Variants in SLC24A2 observed in about 807,000 individuals in gnomAD.
The protein encoded by SLC24A2 is solute carrier family 24 member 2.
Under a neutral mutation model 62.0 loss-of-function variants are expected in SLC24A2, and 36 were observed. That is an observed-to-expected ratio of 0.58 (90% confidence interval 0.44 to 0.77). The LOEUF (loss-of-function observed/expected upper bound fraction) is 0.77. Ranked by LOEUF, SLC24A2 falls within the 30% of genes least tolerant of loss-of-function variation. The probability of loss-of-function intolerance (pLI) is 0.00; values close to 1 mark genes in which losing one functional copy is unlikely to be tolerated. For synonymous variants in SLC24A2, 358 were observed against 294.0 expected (o/e 1.22, Z -2.23); for missense variants, 846 against 817.9 (o/e 1.03, Z -0.42).
chr9:19,829,725 C>T, the SLC24A2 span, among the ~76,000 whole-genome samples: 520 of 145,790 alleles, frequency 3.6e-3, 2 homozygotes, highest in African/African-American at 0.013. Context: ...TGAGACATTG[C>T]CTCTAAAATA....
intron 2 of SLC24A2, among the ~76,000 whole-genome samples, chr9:19,696,128 CTG>C (rs1055327660): frequency 2.0e-5 from 3 of 152,100 alleles, no homozygotes; most frequent in Non-Finnish European, 4.4e-5. Context: ...CTATTGTGAA[CTG>C]TGCATGTGAG....
At chr9:19,606,895 A>G (rs778182963) in intron 4 of SLC24A2, among the ~76,000 whole-genome samples, 12 of 152,210 alleles carry the variant, frequency 7.9e-5, no homozygotes, top group African/African-American at 1.2e-4. Flanking sequence ...ATGGATCCTG[A>G]CAGCCAGTTG....
At chr9:19,887,241 C>G in the SLC24A2 span, among the ~76,000 whole-genome samples, 2 of 152,132 alleles carry the variant, frequency 1.3e-5, no homozygotes, top group African/African-American at 4.8e-5. Context: ...CCTTTCCCCA[C>G]TTTTTAATGG....
chr9:19,677,745 T>C (rs894410684), intron 2 of SLC24A2, among the ~76,000 whole-genome samples: 2 of 151,280 alleles, frequency 1.3e-5, no homozygotes, highest in Non-Finnish European at 2.9e-5. Context: ...CAAAGTGGTA[T>C]ACATTACACA....
the SLC24A2 span, among the ~76,000 whole-genome samples, chr9:19,887,542 A>C: frequency 0.41 from 61,758 of 151,694 alleles, 13,102 homozygotes; most frequent in East Asian, 0.83. Context: ...ATAAAAAAAT[A>C]AAAAAATAAT....
the SLC24A2 span, among the ~76,000 whole-genome samples, chr9:20,275,648 T>C: frequency 1.3e-5 from 2 of 152,236 alleles, no homozygotes; most frequent in African/African-American, 4.8e-5. Flanking sequence ...TTGATTGAGA[T>C]ATAGCTATAG....
At chr9:20,155,237 A>G in the SLC24A2 span, among the ~76,000 whole-genome samples, 3 of 151,806 alleles carry the variant, frequency 2.0e-5, no homozygotes, top group African/African-American at 7.2e-5. Flanking sequence ...ACAAATTAAA[A>G]TGCATGCCTT....
the SLC24A2 span, among the ~76,000 whole-genome samples, chr9:20,089,323 T>G: frequency 6.6e-6 from 1 of 152,102 alleles, no homozygotes; most frequent in Non-Finnish European, 1.5e-5. Flanking sequence ...AACCTGGGAC[T>G]CCAGCACAAC....
At chr9:19,597,108 AG>A (rs1470418886) in intron 5 of SLC24A2, 120 bp downstream of exon 5, 2 of 726,516 alleles carry the variant, frequency 2.8e-6, no homozygotes, top group African/African-American at 3.5e-5. Flanking sequence ...CAGAAAGAAT[AG>A]TAAGTCACAC....
the SLC24A2 span, among the ~76,000 whole-genome samples, chr9:20,291,715 A>G: frequency 2.6e-5 from 4 of 152,196 alleles, no homozygotes; most frequent in African/African-American, 7.2e-5. Context: ...GGGATATATT[A>G]TAGAGGATCT....
At chr9:19,532,343 G>T (rs1418328020) in intron 8 of SLC24A2, among the ~76,000 whole-genome samples, 2 of 152,074 alleles carry the variant, frequency 1.3e-5, no homozygotes. Flanking sequence ...TGATCCTCCT[G>T]CCTCGGCTTC....
the SLC24A2 span, among the ~76,000 whole-genome samples, chr9:20,267,242 C>T: frequency 6.6e-6 from 1 of 152,176 alleles, no homozygotes; most frequent in Non-Finnish European, 1.5e-5. Flanking sequence ...AAGATATTTA[C>T]ATCATATAGC....
At chr9:19,612,267 C>A (rs1837195976) in intron 4 of SLC24A2, among the ~76,000 whole-genome samples, 1 of 152,204 alleles carries the variant, frequency 6.6e-6, no homozygotes, top group Admixed American at 6.5e-5. Flanking sequence ...TAGCATTTAA[C>A]TGGCACTTAT....
intron 2 of SLC24A2, among the ~76,000 whole-genome samples, chr9:19,644,347 AT>A (rs1371595667): frequency 1.3e-5 from 2 of 152,168 alleles, no homozygotes; most frequent in Admixed American, 1.3e-4. Flanking sequence ...TATGTTTGTA[AT>A]TTTTGAAGGT....
chr9:20,210,530 G>C, the SLC24A2 span, among the ~76,000 whole-genome samples: 1 of 151,606 alleles, frequency 6.6e-6, no homozygotes, highest in Admixed American at 6.6e-5. Context: ...CTGGAGTGTA[G>C]TGGCGCGATC....
At chr9:20,198,651 A>ATCTC in the SLC24A2 span, among the ~76,000 whole-genome samples, 343 of 148,110 alleles carry the variant, frequency 2.3e-3, 5 homozygotes, top group Admixed American at 0.02. Flanking sequence ...GTCCCCTCGC[A>ATCTC]TCTCTCTCTC....
the SLC24A2 span, among the ~76,000 whole-genome samples, chr9:20,136,299 T>A: frequency 9.3e-4 from 142 of 152,242 alleles, no homozygotes; most frequent in Admixed American, 2.9e-3. Context: ...ATAGTCAAGT[T>A]TTCAGCCTAT....
chr9:20,074,631 G>T, the SLC24A2 span, among the ~76,000 whole-genome samples: 1 of 127,008 alleles, frequency 7.9e-6, no homozygotes, highest in Non-Finnish European at 1.7e-5. Flanking sequence ...GGGAGGGAGG[G>T]AGGGACGGGA....
chr9:20,056,423 C>A, the SLC24A2 span, among the ~76,000 whole-genome samples: 5 of 152,178 alleles, frequency 3.3e-5, no homozygotes, highest in Non-Finnish European at 7.4e-5. Context: ...CTGCAAAATA[C>A]AATCTACCAC....
Sources: gnomAD v4.1 joint callset for allele counts (sites outside exome capture counted in the v4.1 genomes callset) on GRCh38, gnomAD v4.1.1 for gene constraint, MANE v1.5 for transcripts, NCBI Gene and HGNC (gene_info 2026-07-23, HGNC 2026-07-21) for gene names.